Variants in GPC5 observed in about 807,000 individuals in gnomAD.
GPC5 encodes the protein glypican-5.
A neutral mutation model predicts 53.9 loss-of-function variants in GPC5; 47 were observed. The observed-to-expected ratio is 0.87, with a 90% confidence interval of 0.69 to 1.11. GPC5 has a LOEUF of 1.11. Ranked by LOEUF, GPC5 falls within the 50% of genes most tolerant of loss-of-function variation. The pLI is 0.00. For missense variants in GPC5, 748 were observed against 713.1 expected (o/e 1.05, Z -0.56); for synonymous variants, 286 against 263.3 (o/e 1.09, Z -0.84).
At chr13:92,075,160 A>G (rs944322879) in intron 6 of GPC5, among the ~76,000 whole-genome samples, 1 of 152,208 alleles carries the variant, frequency 6.6e-6, no homozygotes, top group Non-Finnish European at 1.5e-5. Flanking sequence ...TGAGGCCTTT[A>G]TATTAGTACA....
intron 7 of GPC5, among the ~76,000 whole-genome samples, chr13:92,483,955 G>A (rs967702752): frequency 2.0e-5 from 3 of 152,026 alleles, no homozygotes; most frequent in East Asian, 3.9e-4. Flanking sequence ...GGACAACATA[G>A]CAAAACCTTG....
At chr13:92,833,311 A>T (rs893815511) in intron 7 of GPC5, among the ~76,000 whole-genome samples, 2 of 152,246 alleles carry the variant, frequency 1.3e-5, no homozygotes, top group African/African-American at 4.8e-5. Context: ...ACCTCCTAAG[A>T]AGTTAAACAA....
Position 91,715,221 on chromosome 13 carries a change from T to C in GPC5, c.1021-13311T>C, listed in dbSNP as rs574795255. 2.0e-5 allele frequency among the ~76,000 whole-genome samples: 3 copies of C among 152,314 alleles called. No individual in the cohort carries two copies. The South Asian group carries it at 6.2e-4, about 32-fold the overall frequency. On this transcript the variant is annotated intron_variant, in intron 3 of 7. Transcript: ENST00000377067. ...GCTTCTGCCCCATCCCTGTTTTAGC[T>C]AGTTGTTAATTTGGTCTGGTGTCTG...
At chr13:92,341,087 G>A (rs896358191) in intron 7 of GPC5, among the ~76,000 whole-genome samples, 4 of 151,946 alleles carry the variant, frequency 2.6e-5, no homozygotes, top group African/African-American at 9.7e-5. Flanking sequence ...TGAAAATAAT[G>A]ATTTTTATTT....
In GPC5 at chr13:92,358,608, T is replaced by C. The variant is rs112447662; in HGVS notation, c.1561+213619T>C. Among the ~76,000 whole-genome samples the C allele has an allele frequency of 8.6e-3, 1,304 of 151,826 alleles. 64 individuals carry two copies. The highest frequency in any genetic ancestry group is 0.03 in the African/African-American group (1,225 of 41,126). On this transcript the variant is annotated intron_variant, in intron 7 of 7. Transcript: ENST00000377067. ...AGGCATTTCCATACATCCTCTGAAA[T>C]CTAGGTGGAGGATCCCAAGCTTCAA...
intron 5 of GPC5, among the ~76,000 whole-genome samples, chr13:91,784,130 A>G (rs1053075237): frequency 1.1e-4 from 17 of 152,346 alleles, no homozygotes; most frequent in African/African-American, 4.1e-4. Context: ...ATGTACTGCC[A>G]TAAAAGAAAA....
intron 7 of GPC5, among the ~76,000 whole-genome samples, chr13:92,337,013 C>A (rs907194867): frequency 4.6e-5 from 7 of 151,986 alleles, no homozygotes; most frequent in African/African-American, 1.4e-4. Context: ...GAAAAACCTA[C>A]CCTCATGATT....
At chr13:92,140,280 G>A (rs1413747327) in intron 6 of GPC5, among the ~76,000 whole-genome samples, 1 of 152,180 alleles carries the variant, frequency 6.6e-6, no homozygotes, top group Admixed American at 6.5e-5. Context: ...AAGCTGGGTA[G>A]CGGGGAGCTG....
intron 1 of GPC5, among the ~76,000 whole-genome samples, chr13:91,416,122 C>T (rs1037612274): frequency 2.0e-5 from 3 of 151,870 alleles, no homozygotes; most frequent in African/African-American, 7.3e-5. Context: ...ACCGCATATC[C>T]TGAGAAGTAC....
At chr13:92,712,054 A>G (rs778221618) in intron 7 of GPC5, among the ~76,000 whole-genome samples, 1 of 151,924 alleles carries the variant, frequency 6.6e-6, no homozygotes, top group Non-Finnish European at 1.5e-5. Context: ...GAAAAAGTAT[A>G]AAGCAGAAAT....
chr13:92,440,771 G>C (rs1877518983), intron 7 of GPC5, among the ~76,000 whole-genome samples: 1 of 151,950 alleles, frequency 6.6e-6, no homozygotes, highest in South Asian at 2.1e-4. Flanking sequence ...ATTTTTTGAG[G>C]TTTTAACAAA....
At chr13:91,777,536 G>T (rs1410382062) in intron 5 of GPC5, among the ~76,000 whole-genome samples, 1 of 152,176 alleles carries the variant, frequency 6.6e-6, no homozygotes, top group African/African-American at 2.4e-5. Flanking sequence ...TAATTCTGTT[G>T]ATTCATTACA....
chr13:91,699,848 G>T (rs1299276686), intron 3 of GPC5, among the ~76,000 whole-genome samples: 1 of 152,150 alleles, frequency 6.6e-6, no homozygotes, highest in African/African-American at 2.4e-5. Flanking sequence ...ACTATATAGT[G>T]TTGAGGAACT....
chr13:92,678,230 G>A (rs1887009257), intron 7 of GPC5, among the ~76,000 whole-genome samples: 1 of 152,074 alleles, frequency 6.6e-6, no homozygotes, highest in African/African-American at 2.4e-5. Context: ...ATGATGAAAG[G>A]CAAACAAATA....
intron 5 of GPC5, among the ~76,000 whole-genome samples, chr13:91,879,661 C>A (rs1051837860): frequency 6.6e-6 from 1 of 152,108 alleles, no homozygotes; most frequent in Non-Finnish European, 1.5e-5. Context: ...TTCCCAAAAG[C>A]GCCATCTCCA....
intron 3 of GPC5, among the ~76,000 whole-genome samples, chr13:91,704,167 G>A (rs1566623703): frequency 6.6e-6 from 1 of 151,922 alleles, no homozygotes; most frequent in African/African-American, 2.4e-5. Flanking sequence ...TTTTATCTAG[G>A]TGTGTCAATG....
chr13:92,377,450 CTG>C (rs1372907286), intron 7 of GPC5, among the ~76,000 whole-genome samples: 9 of 152,094 alleles, frequency 5.9e-5, no homozygotes, highest in African/African-American at 2.2e-4. Context: ...TTAATTGTCT[CTG>C]TGATATAATA....
intron 7 of GPC5, among the ~76,000 whole-genome samples, chr13:92,732,404 C>A (rs1467114256): frequency 6.6e-6 from 1 of 151,508 alleles, no homozygotes; most frequent in East Asian, 1.9e-4. Flanking sequence ...CATTTGGATA[C>A]TTTTTATTAC....
intron 2 of GPC5, among the ~76,000 whole-genome samples, chr13:91,647,535 C>A (rs57927413): frequency 0.065 from 9,833 of 152,278 alleles, 1,074 homozygotes; most frequent in African/African-American, 0.22. Flanking sequence ...TGAGGCCACA[C>A]CTTTCCGTGC....
Sources: gnomAD v4.1 joint callset for allele counts (sites outside exome capture counted in the v4.1 genomes callset) on GRCh38, gnomAD v4.1.1 for gene constraint, MANE v1.5 for transcripts, NCBI Gene and HGNC (gene_info 2026-07-23, HGNC 2026-07-21) for gene names.